The following HSPA12A variants were observed in gnomAD, a reference collection of about 807,000 sequenced individuals.
The protein encoded by HSPA12A is heat shock protein family A (Hsp70) member 12A.
Under a neutral mutation model 69.2 loss-of-function variants are expected in HSPA12A, and 28 were observed. The observed-to-expected ratio is 0.40, with a 90% CI of 0.30 to 0.55. The LOEUF (loss-of-function observed/expected upper bound fraction) is 0.55. HSPA12A is among the 20% of genes least tolerant of loss of function. HSPA12A has a pLI of 0.38. For missense variants in HSPA12A, 686 were observed against 900.7 expected (o/e 0.76, Z 3.05); for synonymous variants, 345 against 370.5 (o/e 0.93, Z 0.79).
At chr10:116,712,798 G>A (rs1850476359) in intron 1 of HSPA12A, among the ~76,000 whole-genome samples, 1 of 151,682 alleles carries the variant, frequency 6.6e-6, no homozygotes, top group Non-Finnish European at 1.5e-5. Flanking sequence ...CCATAGGGCT[G>A]ACTTTATTCT....
chr10:116,691,839 C>A (rs553442367), intron 6 of HSPA12A, among the ~76,000 whole-genome samples: 1 of 152,264 alleles, frequency 6.6e-6, no homozygotes, highest in Admixed American at 6.5e-5. Flanking sequence ...AACACCCCCC[C>A]GCTGAGTGAA....
At chr10:116,702,374 C>T (rs142200449) in intron 3 of HSPA12A, among the ~76,000 whole-genome samples, 52 of 152,302 alleles carry the variant, frequency 3.4e-4, no homozygotes, top group African/African-American at 1.2e-3. Context: ...CTTTCCTCAC[C>T]CACTGGAGAG....
intron 3 of HSPA12A, 140 bp downstream of exon 3, chr10:116,705,011 G>C: frequency 1.0e-6 from 1 of 959,986 alleles, no homozygotes; most frequent in Non-Finnish European, 1.5e-6. Flanking sequence ...CTTGTCCCCA[G>C]TGGCATGGTG....
intron 1 of HSPA12A, among the ~76,000 whole-genome samples, chr10:116,721,286 C>A (rs1009300198): frequency 1.5e-4 from 23 of 152,156 alleles, no homozygotes; most frequent in Admixed American, 1.2e-3. Context: ...ACTGAATGAA[C>A]AATTCCTCCT....
intron 2 of HSPA12A, among the ~76,000 whole-genome samples, chr10:116,779,505 T>C (rs1411762653): frequency 6.6e-6 from 1 of 152,104 alleles, no homozygotes; most frequent in Non-Finnish European, 1.5e-5. Context: ...TGATGAGACA[T>C]GAGGGCAGTG....
At chr10:116,842,249 C>T (rs1474470013) in intron 1 of HSPA12A, among the ~76,000 whole-genome samples, 2 of 152,286 alleles carry the variant, frequency 1.3e-5, no homozygotes, top group East Asian at 3.9e-4. Flanking sequence ...AGGAAGCAAA[C>T]CCAATCGATA....
At chr10:116,751,480 C>T (rs1851776598) in intron 2 of HSPA12A, among the ~76,000 whole-genome samples, 1 of 152,156 alleles carries the variant, frequency 6.6e-6, no homozygotes, top group South Asian at 2.1e-4. Context: ...TCTTAGATTT[C>T]CATTACTTGT....
At chr10:116,696,475 C>T (rs1234204017) in intron 5 of HSPA12A, among the ~76,000 whole-genome samples, 5 of 152,138 alleles carry the variant, frequency 3.3e-5, no homozygotes, top group East Asian at 1.9e-4. Flanking sequence ...CCATGTAAGA[C>T]GTTCCTTTAT....
intron 1 of HSPA12A, among the ~76,000 whole-genome samples, chr10:116,714,981 A>C (rs1554883613): frequency 6.6e-6 from 1 of 152,192 alleles, no homozygotes; most frequent in African/African-American, 2.4e-5. Flanking sequence ...TGCAGATGAG[A>C]GAAGAACTTG....
At chr10:116,767,979 T>C (rs1844117051) in intron 2 of HSPA12A, among the ~76,000 whole-genome samples, 1 of 152,132 alleles carries the variant, frequency 6.6e-6, no homozygotes, top group Non-Finnish European at 1.5e-5. Context: ...AATTATCAAA[T>C]GGCCCCCCAA....
chr10:116,826,202 T>C (rs1423875085), intron 2 of HSPA12A, among the ~76,000 whole-genome samples: 3 of 152,190 alleles, frequency 2.0e-5, no homozygotes, highest in Non-Finnish European at 4.4e-5. Context: ...TCATCTCTGC[T>C]GTCCACCTTC....
chr10:116,771,673 C>T (rs1042830814), intron 2 of HSPA12A, among the ~76,000 whole-genome samples: 4 of 152,196 alleles, frequency 2.6e-5, no homozygotes, highest in African/African-American at 7.2e-5. Context: ...AGCCCAGGGA[C>T]GGGGTGGATG....
chr10:116,694,679 T>C (rs959210165), intron 5 of HSPA12A, among the ~76,000 whole-genome samples: 1 of 152,130 alleles, frequency 6.6e-6, no homozygotes, highest in Non-Finnish European at 1.5e-5. Flanking sequence ...CAGGAGCCCC[T>C]GTGCGCTCTG....
At chr10:116,805,315 C>CAA (rs1275766086) in intron 2 of HSPA12A, among the ~76,000 whole-genome samples, 1 of 151,458 alleles carries the variant, frequency 6.6e-6, no homozygotes, top group Admixed American at 6.6e-5. Flanking sequence ...GACTCCATCG[C>CAA]AAAAAAACAA....
chr10:116,790,337 T>C (rs932242438), intron 2 of HSPA12A, among the ~76,000 whole-genome samples: 4 of 151,826 alleles, frequency 2.6e-5, no homozygotes, highest in Non-Finnish European at 5.9e-5. Flanking sequence ...TCTCCTGACC[T>C]CGTGATCCGC....
Position 116,674,758 on chromosome 10 carries a change from G to A in HSPA12A, c.*23C>T, listed in dbSNP as rs782776301. The A allele has an allele frequency of 6.3e-7, 1 of 1,587,814 alleles. No homozygotes were observed. The highest frequency in any genetic ancestry group is 8.6e-7 in the Non-Finnish European group (1 of 1,167,586). On this transcript the variant is annotated 3_prime_UTR_variant, in exon 12 of 12. Coordinates refer to ENST00000369209, the MANE Select transcript of HSPA12A (RefSeq NM_025015.3). Reference sequence around the variant, plus strand: ...AGATGCAGATAAGTTGAGTCCAAGGGGACAGGCAGCGGGGCGGGAGGGTTA... The same window carrying A: ...AGATGCAGATAAGTTGAGTCCAAGGAGACAGGCAGCGGGGCGGGAGGGTTA...
intron 1 of HSPA12A, among the ~76,000 whole-genome samples, chr10:116,739,121 T>G (rs1259703910): frequency 1.3e-5 from 2 of 152,138 alleles, no homozygotes; most frequent in Non-Finnish European, 2.9e-5. Flanking sequence ...CACAAGTCCC[T>G]GAGGGCCTAT....
At position 116,675,005 on chromosome 10, in the gene HSPA12A, T is replaced by C; in HGVS notation, c.1804A>G (p.Ile602Val). ...ACGTTGTCGTGCTCAGAGCTGTAGATGTTGATGACAATGACCAGCTGGGAG... is the reference window on the plus strand; with the variant it reads ...ACGTTGTCGTGCTCAGAGCTGTAGACGTTGATGACAATGACCAGCTGGGAG... ...KPSQLVIVINIYSSEHDNVSF... is the reference protein window; with the variant it reads ...KPSQLVIVINVYSSEHDNVSF... The change falls in exon 12 of 12, where the codon ATC (isoleucine) becomes GTC (valine). Residue 602 changes from isoleucine to valine, a missense_variant. Transcript: ENST00000369209. This position sits in a 1 kb window ranked among gnomAD's most constrained non-coding sequence, Gnocchi z 5.2. 6.2e-7 allele frequency: 1 copy of C among 1,614,094 alleles called. No individual in the cohort carries two copies.
intron 2 of HSPA12A, chr10:116,829,337 C>A (rs1205870403): frequency 1.3e-5 from 2 of 152,970 alleles, no homozygotes; most frequent in African/African-American, 4.8e-5. Flanking sequence ...TCCATTAAAC[C>A]TCTTTCCTTT....
Sources: gnomAD v4.1 joint callset for allele counts (sites outside exome capture counted in the v4.1 genomes callset) on GRCh38, gnomAD v4.1.1 for gene constraint, Gnocchi (gnomAD v3.1) non-coding constraint, MANE v1.5 for transcripts, NCBI Gene and HGNC (gene_info 2026-07-23, HGNC 2026-07-21) for gene names.